The following RASGEF1C variants were observed in gnomAD, a reference collection of about 807,000 sequenced individuals.
RASGEF1C encodes ras-GEF domain-containing family member 1C.
A neutral mutation model predicts 58.1 loss-of-function variants in RASGEF1C; 27 were observed. That is an observed-to-expected ratio of 0.46 (90% CI 0.34 to 0.64). RASGEF1C has a LOEUF of 0.64. Among genes scored for constraint, RASGEF1C ranks in the 30% least tolerant of loss-of-function variants. The probability of loss-of-function intolerance (pLI) is 0.01; values close to 1 mark genes in which losing one functional copy is unlikely to be tolerated. For synonymous variants in RASGEF1C, 243 were observed against 246.3 expected, an observed-to-expected ratio of 0.99 and a Z score of 0.13; for missense variants, 502 against 605.1, an observed-to-expected ratio of 0.83 and a Z score of 1.79.
At chr5:180,191,684 G>A (rs1756166763) in intron 1 of RASGEF1C, among the ~76,000 whole-genome samples, 1 of 152,232 alleles carries the variant, frequency 6.6e-6, no homozygotes. Context: ...GAGTCTCAAA[G>A]AGTGAACCAC....
At chr5:180,180,663 A>G (rs1171534512) in intron 1 of RASGEF1C, among the ~76,000 whole-genome samples, 1 of 152,244 alleles carries the variant, frequency 6.6e-6, no homozygotes, top group East Asian at 1.9e-4. Context: ...ACCCATTGCC[A>G]CAAGCAGGGG....
At chr5:180,110,445 G>T (rs1765940503) in intron 12 of RASGEF1C, among the ~76,000 whole-genome samples, 1 of 142,160 alleles carries the variant, frequency 7.0e-6, no homozygotes, top group Non-Finnish European at 1.5e-5. Flanking sequence ...CCTAAGTGTG[G>T]GTCCCTCTGT....
intron 1 of RASGEF1C, among the ~76,000 whole-genome samples, chr5:180,205,364 T>G (rs753210027): frequency 2.6e-5 from 4 of 152,080 alleles, no homozygotes; most frequent in Admixed American, 6.5e-5. Context: ...AAAATACTCA[T>G]GAATAAACTT....
chr5:180,159,249 C>T (rs1007269867), intron 1 of RASGEF1C, among the ~76,000 whole-genome samples: 30 of 151,796 alleles, frequency 2.0e-4, no homozygotes, highest in African/African-American at 7.3e-4. Flanking sequence ...AAGCGATTCT[C>T]CTGCCTCAGC....
chr5:180,125,774 G>A (rs1766245747), intron 6 of RASGEF1C, among the ~76,000 whole-genome samples: 1 of 151,132 alleles, frequency 6.6e-6, no homozygotes, highest in African/African-American at 2.4e-5. Context: ...AAAAGTGAGT[G>A]AGACTCCATC....
intron 1 of RASGEF1C, among the ~76,000 whole-genome samples, chr5:180,145,748 C>T (rs543549549): frequency 1.3e-5 from 2 of 152,218 alleles, no homozygotes; most frequent in African/African-American, 2.4e-5. Flanking sequence ...AAAGAGAAGC[C>T]GTGGCGTTTC....
In RASGEF1C at chr5:180,152,405, C is replaced by G. The variant is rs560235629; in HGVS notation, c.-6-14347G>C. 4.1e-4 allele frequency among the ~76,000 whole-genome samples: 62 copies of G among 152,136 alleles called. 1 individual carries two copies. The South Asian group carries it at 0.011, about 28-fold the overall frequency. ...GCCATAACAAATGAAGAGTTCATGT[C>G]TTTTGAAGGGACATGGATGAAGCTG... On this transcript the variant is annotated intron_variant, in intron 1 of 13. Transcript: ENST00000361132.
chr5:180,183,939 A>G (rs1434967831), intron 1 of RASGEF1C, among the ~76,000 whole-genome samples: 1 of 152,110 alleles, frequency 6.6e-6, no homozygotes, highest in Non-Finnish European at 1.5e-5. Context: ...TGGGAGCCCG[A>G]GGCTGGCAGA....
chr5:180,139,244 T>A (rs1766536946), intron 1 of RASGEF1C, among the ~76,000 whole-genome samples: 1 of 152,162 alleles, frequency 6.6e-6, no homozygotes, highest in African/African-American at 2.4e-5. Flanking sequence ...CAGTGACGCA[T>A]CCTGGCTAAA....
chr5:180,178,169 G>A (rs1379488320), intron 1 of RASGEF1C, among the ~76,000 whole-genome samples: 1 of 150,064 alleles, frequency 6.7e-6, no homozygotes, highest in East Asian at 2.0e-4. Context: ...GTAGAGACAG[G>A]GTTTCACTGT....
At chr5:180,121,503 C>CA (rs1214554547) in intron 6 of RASGEF1C, among the ~76,000 whole-genome samples, 2 of 152,036 alleles carry the variant, frequency 1.3e-5, no homozygotes, top group Admixed American at 6.6e-5. Context: ...TTAGTGGAGA[C>CA]GGGGTTTCAC....
At chr5:180,208,833 A>G (rs1756541513) in intron 1 of RASGEF1C, among the ~76,000 whole-genome samples, 195 bp downstream of exon 1, 1 of 150,876 alleles carries the variant, frequency 6.6e-6, no homozygotes, top group Admixed American at 6.6e-5. Flanking sequence ...AGGGTACCCT[A>G]CCCGCTACCC....
intron 6 of RASGEF1C, among the ~76,000 whole-genome samples, chr5:180,126,788 G>A (rs1766270268): frequency 1.3e-5 from 2 of 152,146 alleles, no homozygotes; most frequent in South Asian, 2.1e-4. Flanking sequence ...GTGCATGTTC[G>A]TGTACATGGG....
chr5:180,145,922 A>T (rs1561742801), intron 1 of RASGEF1C, among the ~76,000 whole-genome samples: 1 of 152,096 alleles, frequency 6.6e-6, no homozygotes, highest in Non-Finnish European at 1.5e-5. Flanking sequence ...GAGTTTTAGG[A>T]GTTTGTTAGA....
At chr5:180,135,793 A>G (rs1766461221) in intron 4 of RASGEF1C, among the ~76,000 whole-genome samples, 1 of 152,342 alleles carries the variant, frequency 6.6e-6, no homozygotes, top group South Asian at 2.1e-4. Flanking sequence ...GTGTGGTTTA[A>G]CTGCAGGGGG....
At chr5:180,194,418 T>A (rs1291911047) in intron 1 of RASGEF1C, among the ~76,000 whole-genome samples, 2 of 152,220 alleles carry the variant, frequency 1.3e-5, no homozygotes, top group East Asian at 3.8e-4. Flanking sequence ...CTTTTCATCA[T>A]CCAAAGTGCT....
rs769440987 is a variant in RASGEF1C at position 180,137,722 on chromosome 5, A to T, written c.178-10T>A. ...TGAAGATGTAGGCTTTCTGGGGGAC[A>T]CACGAGAAAGAGGGCACAGGCTCAG... is the stretch of plus-strand genomic sequence containing the variant. On this transcript the variant is annotated splice_polypyrimidine_tract_variant and intron_variant, in intron 2 of 13. Transcript: ENST00000361132. This position sits in a 1 kb window ranked among gnomAD's most constrained non-coding sequence, Gnocchi z 4.1. 39 of 1,612,792 alleles carry T rather than the reference A, an allele frequency of 2.4e-5. No homozygotes were observed. Among genetic ancestry groups the T allele is most frequent in the Non-Finnish European group, 3.1e-5 (36 of 1,179,900 alleles).
At chr5:180,176,828 T>C (rs1041572112) in intron 1 of RASGEF1C, among the ~76,000 whole-genome samples, 2 of 152,180 alleles carry the variant, frequency 1.3e-5, no homozygotes, top group Non-Finnish European at 2.9e-5. Context: ...AGTGCTGGGA[T>C]TACAGGCGTG....
At chr5:180,126,922 C>T (rs1316219708) in intron 6 of RASGEF1C, among the ~76,000 whole-genome samples, 1 of 152,196 alleles carries the variant, frequency 6.6e-6, no homozygotes, top group African/African-American at 2.4e-5. Context: ...CCAGCAGCCA[C>T]GTGGAGTGTG....
Sources: gnomAD v4.1 joint callset for allele counts (sites outside exome capture counted in the v4.1 genomes callset) on GRCh38, gnomAD v4.1.1 for gene constraint, Gnocchi (gnomAD v3.1) non-coding constraint, MANE v1.5 for transcripts, NCBI Gene and HGNC (gene_info 2026-07-23, HGNC 2026-07-21) for gene names.